The following FHIT variants were observed in gnomAD, a reference collection of about 807,000 sequenced individuals.
The protein encoded by FHIT is fragile histidine triad diadenosine triphosphatase.
In FHIT, 19 loss-of-function variants were observed where a neutral mutation model predicts 17.9. That is an observed-to-expected ratio of 1.06 (90% CI 0.74 to 1.56). The LOEUF (loss-of-function observed/expected upper bound fraction) is 1.56. FHIT is among the 40% of genes most tolerant of loss of function. FHIT has a pLI of 0.00. For missense variants in FHIT, 248 were observed against 189.2 expected (o/e 1.31, Z -1.82); for synonymous variants, 81 against 69.7 (o/e 1.16, Z -0.81).
chr3:60,558,368 A>C (rs961250898), intron 4 of FHIT, among the ~76,000 whole-genome samples: 2 of 151,864 alleles, frequency 1.3e-5, no homozygotes, highest in Non-Finnish European at 2.9e-5. Context: ...ACATGCCTGA[A>C]GTAGGGTTGC....
rs1292373651 is a variant in FHIT at position 60,114,072 on chromosome 3, T to TATAA, written c.104-99921_104-99920insTTAT. Among the ~76,000 whole-genome samples the TATAA allele has an allele frequency of 6.1e-3, 505 of 82,200 alleles. 23 individuals carry two copies. Among genetic ancestry groups the TATAA allele is most frequent in the African/African-American group, 0.014 (233 of 17,002 alleles). The allele number at this position is 82,200 out of a possible 152,430, so 53.9% of individuals were successfully genotyped here. ...ATATATATATATATATATATATATA[T>TATAA]AATGTTATATGTATCTTACCACAAT... is the stretch of plus-strand genomic sequence containing the variant. On this transcript the variant is annotated intron_variant, in intron 5 of 9. Coordinates refer to ENST00000492590, the MANE Select transcript of FHIT (RefSeq NM_002012.4).
intron 4 of FHIT, among the ~76,000 whole-genome samples, chr3:60,582,296 G>A (rs972320848): frequency 3.9e-5 from 6 of 152,104 alleles, no homozygotes; most frequent in Admixed American, 3.9e-4. Context: ...TTAAAGGCAT[G>A]AATGTCTAAT....
intron 5 of FHIT, among the ~76,000 whole-genome samples, chr3:60,138,007 A>G (rs999926637): frequency 7.2e-5 from 11 of 152,138 alleles, no homozygotes; most frequent in Non-Finnish European, 1.6e-4. Context: ...GGGCTATTCA[A>G]TTGTCTAGTT....
rs542104435 is a variant in FHIT, at chr3:61,006,385, T to C, written c.-111+35662A>G. On this transcript the variant is annotated intron_variant, in intron 3 of 9. Coordinates refer to ENST00000492590, the MANE Select transcript of FHIT (RefSeq NM_002012.4). ...TTATTCTGTCATAAAAACAGCAACA[T>C]CAATGACCATAACAAATGCTAAAAA... 1.2e-3 allele frequency among the ~76,000 whole-genome samples: 184 copies of C among 152,228 alleles called. 4 individuals are homozygous for C. In the South Asian group the frequency reaches 0.038, roughly 31 times the overall value.
intron 3 of FHIT, among the ~76,000 whole-genome samples, chr3:61,004,457 G>T (rs1273174452): frequency 1.3e-5 from 2 of 152,304 alleles, no homozygotes; most frequent in African/African-American, 4.8e-5. Context: ...AAAACTTTGG[G>T]TAGTATGTAG....
chr3:60,103,083 C>G (rs1317577879), intron 5 of FHIT, among the ~76,000 whole-genome samples: 1 of 152,174 alleles, frequency 6.6e-6, no homozygotes, highest in African/African-American at 2.4e-5. Flanking sequence ...GCTAACACAT[C>G]ACAGCTTACT....
chr3:60,622,003 A>G (rs1400658985), intron 4 of FHIT, among the ~76,000 whole-genome samples: 5 of 152,084 alleles, frequency 3.3e-5, no homozygotes, highest in Non-Finnish European at 7.4e-5. Context: ...CATTTTTCTT[A>G]AGGATTTGAG....
intron 3 of FHIT, among the ~76,000 whole-genome samples, chr3:60,830,661 G>C (rs868949046): frequency 6.6e-6 from 1 of 152,006 alleles, no homozygotes; most frequent in Non-Finnish European, 1.5e-5. Context: ...TAGTCCTTTG[G>C]TCTCTTCTAC....
At chr3:60,469,336 G>A (rs1298014115) in intron 5 of FHIT, among the ~76,000 whole-genome samples, 1 of 151,622 alleles carries the variant, frequency 6.6e-6, no homozygotes, top group African/African-American at 2.4e-5. Flanking sequence ...ATGCTTCATT[G>A]TTTTGTATTC....
intron 5 of FHIT, among the ~76,000 whole-genome samples, chr3:60,312,617 A>T (rs1312410682): frequency 6.6e-6 from 1 of 152,188 alleles, no homozygotes; most frequent in Middle Eastern, 3.2e-3. Flanking sequence ...TGGACCTGAG[A>T]TTCTGCATTT....
chr3:61,059,830 A>G (rs1257187253), intron 2 of FHIT, among the ~76,000 whole-genome samples: 1 of 152,232 alleles, frequency 6.6e-6, no homozygotes, highest in East Asian at 1.9e-4. Context: ...GACAGAAAAT[A>G]AATTGATTCC....
rs571891090 is a variant in FHIT, at chr3:60,047,034, C to T, written c.104-32882G>A. ...GCTAGAACTTGATGTGTGAAGGTAA[C>T]CAACTTAAATGCACTGAAGAGATTG... On this transcript the variant is annotated intron_variant, in intron 5 of 9. Coordinates refer to ENST00000492590, the MANE Select transcript of FHIT (RefSeq NM_002012.4). 2.1e-4 allele frequency among the ~76,000 whole-genome samples: 32 copies of T among 152,274 alleles called. No individual in the cohort carries two copies. The South Asian group carries it at 6.4e-3, about 31-fold the overall frequency.
chr3:59,944,733 T>A lies in FHIT; in HGVS notation c.280-22319A>T, dbSNP rs1580456. Among the ~76,000 whole-genome samples the A allele has an allele frequency of 9.5e-3, 1,443 of 152,218 alleles. 20 individuals are homozygous for A. The highest frequency in any genetic ancestry group is 0.041 in the South Asian group (197 of 4,814). ...TATTGTTTCTTTCTCTGTATCCAAG[T>A]GTACTAAATGATTAGCTCCCACTTA... On this transcript the variant is annotated intron_variant, in intron 7 of 9. Coordinates refer to ENST00000492590, the MANE Select transcript of FHIT (RefSeq NM_002012.4).
chr3:60,440,309 G>C (rs1012142348), intron 5 of FHIT, among the ~76,000 whole-genome samples: 1 of 152,024 alleles, frequency 6.6e-6, no homozygotes, highest in Non-Finnish European at 1.5e-5. Context: ...ACATTTCCAT[G>C]ACATGTCATT....
chr3:60,058,944 T>C lies in FHIT; in HGVS notation c.104-44792A>G, dbSNP rs181274881. ...GAGTCATGGTATTCAGAGGCCATGA[T>C]GGTCAAATACAGGTTGATCTTCTAA... On this transcript the variant is annotated intron_variant, in intron 5 of 9. Transcript: ENST00000492590. 2.4e-3 allele frequency among the ~76,000 whole-genome samples: 358 copies of C among 152,268 alleles called. 2 individuals carry two copies. The highest frequency in any genetic ancestry group is 7.9e-3 in the African/African-American group (329 of 41,560).
At chr3:60,898,551 T>TA (rs1366197579) in intron 3 of FHIT, among the ~76,000 whole-genome samples, 1 of 152,220 alleles carries the variant, frequency 6.6e-6, no homozygotes, top group Admixed American at 6.5e-5. Flanking sequence ...AACAACAGTG[T>TA]AAAGTTCTGC....
chr3:60,738,706 A>G (rs578064298), intron 4 of FHIT, among the ~76,000 whole-genome samples: 2 of 152,336 alleles, frequency 1.3e-5, no homozygotes, highest in South Asian at 4.1e-4. Flanking sequence ...TAATAAACAC[A>G]TGTGAAATGA....
chr3:60,264,916 G>T (rs552240835), intron 5 of FHIT, among the ~76,000 whole-genome samples: 67 of 151,804 alleles, frequency 4.4e-4, no homozygotes, highest in Non-Finnish European at 8.5e-4. Flanking sequence ...TAATACCACA[G>T]ATTTTCTTTA....
chr3:60,457,909 T>C (rs890162081), intron 5 of FHIT, among the ~76,000 whole-genome samples: 20 of 151,914 alleles, frequency 1.3e-4, no homozygotes, highest in Admixed American at 7.9e-4. Context: ...GTTAGAATGG[T>C]GATCATTAAA....
Sources: gnomAD v4.1 joint callset for allele counts (sites outside exome capture counted in the v4.1 genomes callset) on GRCh38, gnomAD v4.1.1 for gene constraint, MANE v1.5 for transcripts, NCBI Gene and HGNC (gene_info 2026-07-23, HGNC 2026-07-21) for gene names.